Variants in WDR1 observed in about 807,000 individuals in gnomAD.
WDR1 encodes WD repeat domain 1, also known as WD repeat-containing protein 1.
WDR1 carries 21 observed loss-of-function variants against 71.9 expected under a neutral mutation model. That is an observed-to-expected ratio of 0.29 (90% CI 0.21 to 0.42). The LOEUF (loss-of-function observed/expected upper bound fraction) is 0.42, where lower values mean the gene tolerates loss of function less well. WDR1 is among the 10% of genes least tolerant of loss of function. The pLI, the probability that WDR1 is intolerant of heterozygous loss-of-function variation, is 1.00. For synonymous variants in WDR1, 424 were observed against 347.4 expected, an observed-to-expected ratio of 1.22 and a Z score of -2.45; for missense variants, 696 against 824.5, an observed-to-expected ratio of 0.84 and a Z score of 1.91.
At chr4:10,084,859 C>T (rs375582543) in intron 8 of WDR1, among the ~76,000 whole-genome samples, 8 of 152,348 alleles carry the variant, frequency 5.3e-5, no homozygotes, top group African/African-American at 7.2e-5. Flanking sequence ...TGTGCAGACA[C>T]GTGGCCTGCA....
At chr4:10,087,154 C>T (rs1005073893) in intron 8 of WDR1, among the ~76,000 whole-genome samples, 1 of 152,248 alleles carries the variant, frequency 6.6e-6, no homozygotes, top group Admixed American at 6.5e-5. Context: ...ATTCTAACTC[C>T]GTTTCCTCCT....
intron 5 of WDR1, chr4:10,092,638 T>G: frequency 1.8e-5 from 4 of 225,426 alleles, no homozygotes; most frequent in Non-Finnish European, 3.6e-5. Context: ...AGCCAAGGAG[T>G]CCAAATGCAG....
intron 5 of WDR1, among the ~76,000 whole-genome samples, chr4:10,089,766 G>C (rs1026933169): frequency 3.3e-5 from 5 of 152,206 alleles, no homozygotes; most frequent in Non-Finnish European, 7.3e-5. Flanking sequence ...GCTGCCCCGC[G>C]CTCTAAGTAA....
intron 2 of WDR1, among the ~76,000 whole-genome samples, chr4:10,107,921 G>A (rs968483518): frequency 4.6e-5 from 7 of 152,140 alleles, no homozygotes; most frequent in South Asian, 2.1e-4. Context: ...GACTTGACCC[G>A]GGAGGCCATT....
intron 5 of WDR1, chr4:10,094,548 G>A (rs1405331716): frequency 2.6e-5 from 4 of 152,240 alleles, no homozygotes; most frequent in Admixed American, 1.3e-4. Context: ...TCAGGCCACG[G>A]TCAGACCCTC....
chr4:10,094,532 CCT>C (rs1191809041), intron 5 of WDR1, among the ~76,000 whole-genome samples: 1 of 152,208 alleles, frequency 6.6e-6, no homozygotes, highest in East Asian at 1.9e-4. Flanking sequence ...CGCCACCCTC[CCT>C]TTTTCAGGCC....
intron 5 of WDR1, among the ~76,000 whole-genome samples, chr4:10,097,490 T>C (rs1712414532): frequency 6.6e-6 from 1 of 152,230 alleles, no homozygotes; most frequent in Non-Finnish European, 1.5e-5. Flanking sequence ...GGCAGGGCCC[T>C]TCCTTGTGGG....
intron 2 of WDR1, among the ~76,000 whole-genome samples, chr4:10,112,733 C>T (rs1713460614): frequency 6.6e-6 from 1 of 152,244 alleles, no homozygotes; most frequent in African/African-American, 2.4e-5. Context: ...AGTAAGACCT[C>T]AGTGGCTGCC....
chr4:10,088,186 G>T, intron 7 of WDR1, 107 bp downstream of exon 7: 2 of 1,128,794 alleles, frequency 1.8e-6, no homozygotes, highest in Non-Finnish European at 1.3e-6. Flanking sequence ...CCGACTTATA[G>T]CCCCTCATTT....
rs1764749676 is a variant in WDR1 at position 10,075,138 on chromosome 4, T to C, written c.*240A>G. 1.5e-5 allele frequency: 8 copies of C among 516,182 alleles called. No homozygotes were observed. Among genetic ancestry groups the C allele is most frequent in the East Asian group, 3.0e-5 (1 of 33,434 alleles). 32.0% of individuals were successfully genotyped at this position (516,182 alleles called of 1,614,324 possible). A position where few individuals can be genotyped will look rare whatever the true frequency, so the allele number is the denominator to read the frequency against. ...TTGGTTGGGCTGTGGGTTTTAGTTATGCTCCACACATTGTTTAGGTGCTCG... is the reference window on the plus strand; with the variant it reads ...TTGGTTGGGCTGTGGGTTTTAGTTACGCTCCACACATTGTTTAGGTGCTCG... On this transcript the variant is annotated 3_prime_UTR_variant, in exon 15 of 15. Transcript: ENST00000499869.
rs767782175 is a variant in WDR1 at position 10,077,496 on chromosome 4, G to A, written c.1570-48C>T. On this transcript the variant is annotated intron_variant, in intron 13 of 14. Coordinates refer to ENST00000499869, the MANE Select transcript of WDR1 (RefSeq NM_017491.5). ...AGAGGTGGCAGGTCAGGTTCAGGCC[G>A]CAGTTGCCCATATCACCTCGCTTAT... 7 of 1,612,026 alleles carry A rather than the reference G, an allele frequency of 4.3e-6. No individual in the cohort carries two copies. In the East Asian group the frequency reaches 8.9e-5, roughly 21 times the overall value.
At position 10,104,001 on chromosome 4, in the gene WDR1, C is replaced by G; in HGVS notation, c.139-15G>C. The G allele has an allele frequency of 6.3e-7, 1 of 1,583,634 alleles. No homozygotes were observed. On this transcript the variant is annotated splice_polypyrimidine_tract_variant and intron_variant, in intron 2 of 14. Transcript: ENST00000499869. Reference sequence around the variant, plus strand: ...AGGGCTGGGTTCTGCAGGAGGAGACCCCGGAATGAACAGAAGGAATGGAGA... The same window carrying G: ...AGGGCTGGGTTCTGCAGGAGGAGACGCCGGAATGAACAGAAGGAATGGAGA...
chr4:10,102,102 G>A (rs1560542311), intron 3 of WDR1, among the ~76,000 whole-genome samples: 1 of 152,200 alleles, frequency 6.6e-6, no homozygotes, highest in Non-Finnish European at 1.5e-5. Context: ...TCACCCAGCC[G>A]CCTGGCTCGA....
rs923680838 is a variant in WDR1 at position 10,077,773 on chromosome 4, T to A, written c.1549A>T (p.Ser517Cys). 1 of 1,599,486 alleles carries A rather than the reference T, an allele frequency of 6.3e-7. No individual in the cohort carries two copies. The highest frequency in any genetic ancestry group is 1.3e-5 in the African/African-American group (1 of 74,650). The change falls in exon 13 of 15, where the codon AGC becomes TGC. Residue 517 changes from serine to cysteine, a missense_variant. By Grantham distance (112) the Ser-to-Cys change is moderately radical. Transcript: ENST00000499869. ...CDASKVVTVF[S>C]VADGYSENNV... ...CTCACCGAGTAGCCGTCAGCAACGCTGAACACTGTGACCACCTTGCTGGCG... is the reference window on the plus strand; with the variant it reads ...CTCACCGAGTAGCCGTCAGCAACGCAGAACACTGTGACCACCTTGCTGGCG...
Position 10,093,220 on chromosome 4 carries a change from C to G in WDR1, c.559-4479G>C. On this transcript the variant is annotated intron_variant, in intron 5 of 14. Coordinates refer to ENST00000499869, the MANE Select transcript of WDR1 (RefSeq NM_017491.5). ...GGGAGCCCACCCCATTCCCCCCAGCCTCAGCTGACCCTGTACACAAGAGGA... is the reference window on the plus strand; with the variant it reads ...GGGAGCCCACCCCATTCCCCCCAGCGTCAGCTGACCCTGTACACAAGAGGA... 4.3e-6 allele frequency: 5 copies of G among 1,162,658 alleles called. No individual in the cohort carries two copies. The South Asian group carries it at 6.5e-5, about 15-fold the overall frequency. The allele number at this position is 1,162,658 out of a possible 1,614,324, so 72.0% of individuals were successfully genotyped here. A position where few individuals can be genotyped will look rare whatever the true frequency, so the allele number is the denominator to read the frequency against.
chr4:10,091,347 T>C (rs1382968558), intron 5 of WDR1, among the ~76,000 whole-genome samples: 1 of 152,200 alleles, frequency 6.6e-6, no homozygotes, highest in Non-Finnish European at 1.5e-5. Context: ...GGGAAAGCAG[T>C]TTCCCCAGAA....
At chr4:10,080,110 G>A (rs1384650537) in intron 11 of WDR1, among the ~76,000 whole-genome samples, 1 of 152,204 alleles carries the variant, frequency 6.6e-6, no homozygotes, top group Non-Finnish European at 1.5e-5. Context: ...CCTGGAGCCT[G>A]TCCCCTGCAC....
rs555188179 is a variant in WDR1 at position 10,077,994 on chromosome 4, G to A, written c.1396-68C>T. 43 of 1,466,238 alleles carry A rather than the reference G, an allele frequency of 2.9e-5. No individual in the cohort carries two copies. In the Admixed American group the frequency reaches 3.0e-4, roughly 10 times the overall value. 90.8% of individuals were successfully genotyped at this position (1,466,238 alleles called of 1,614,324 possible). On this transcript the variant is annotated intron_variant, in intron 12 of 14. Coordinates refer to ENST00000499869, the MANE Select transcript of WDR1 (RefSeq NM_017491.5). ...CACACCACACCCATCCTTTGTGAAG[G>A]GGGGGTCGAGGGCTTAAGAAACTGT...
chr4:10,105,168 G>A (rs937051953), intron 2 of WDR1, among the ~76,000 whole-genome samples: 1 of 152,182 alleles, frequency 6.6e-6, no homozygotes, highest in African/African-American at 2.4e-5. Flanking sequence ...TATGGCCCAA[G>A]CTATCCGTAT....
Sources: gnomAD v4.1 joint callset for allele counts (sites outside exome capture counted in the v4.1 genomes callset) on GRCh38, gnomAD v4.1.1 for gene constraint, MANE v1.5 for transcripts, NCBI Gene and HGNC (gene_info 2026-07-23, HGNC 2026-07-21) for gene names.